Variants in FBN2 observed in about 807,000 individuals in gnomAD.
FBN2 encodes fibrillin-2.
In FBN2, 105 loss-of-function variants were observed where a neutral mutation model predicts 355.6. The observed-to-expected ratio is 0.30, with a 90% CI of 0.25 to 0.35. The LOEUF (loss-of-function observed/expected upper bound fraction) is 0.35, where lower values mean the gene tolerates loss of function less well. FBN2 is among the 10% of genes least tolerant of loss of function. The pLI is 1.00. For synonymous variants in FBN2, 1,350 were observed against 1,301.2 expected (o/e 1.04, Z -0.81); for missense variants, 3,280 against 3,758.7 (o/e 0.87, Z 3.33).
chr5:128,500,737 C>A (rs1755788442), intron 5 of FBN2, among the ~76,000 whole-genome samples: 1 of 152,110 alleles, frequency 6.6e-6, no homozygotes, highest in Admixed American at 6.5e-5. Flanking sequence ...AGCCATCGCG[C>A]CCGGCCGAAA....
Position 128,259,781 on chromosome 5 carries a change from T to A in FBN2, c.8413A>T (p.Met2805Leu), listed in dbSNP as rs776610785. ...CCGAGGTGGGAGAGGTTGAACTTCATGTTGACGGGGCTGTCCATGTCGACA... is the reference window on the plus strand; with the variant it reads ...CCGAGGTGGGAGAGGTTGAACTTCAAGTTGACGGGGCTGTCCATGTCGACA... ...ESVDMDSPVN[M>L]KFNLSHLGSK... Residue 2805 changes from methionine to leucine, a missense_variant, in exon 65 of 65, where the codon ATG becomes TTG. Coordinates refer to ENST00000262464, the MANE Select transcript of FBN2 (RefSeq NM_001999.4). The A allele has an allele frequency of 6.2e-7, 1 of 1,613,780 alleles. No individual in the cohort carries two copies. The highest frequency in any genetic ancestry group is 1.7e-5 in the Admixed American group (1 of 59,984).
At chr5:128,383,293 A>T (rs1752281241) in intron 11 of FBN2, among the ~76,000 whole-genome samples, 2 of 152,072 alleles carry the variant, frequency 1.3e-5, no homozygotes, top group Admixed American at 6.6e-5. Context: ...AATATACTAC[A>T]AAAAATAAAC....
intron 8 of FBN2, among the ~76,000 whole-genome samples, chr5:128,405,403 G>A (rs1752900095): frequency 6.6e-6 from 1 of 152,102 alleles, no homozygotes; most frequent in Admixed American, 6.6e-5. Context: ...GGTTAGGTAA[G>A]GCTTTGAATG....
At position 128,393,220 on chromosome 5, in the gene FBN2, G is replaced by A. The variant is rs747437305; in HGVS notation, c.1380C>T (p.Pro460=). The A allele has an allele frequency of 1.9e-6, 3 of 1,614,194 alleles. No individual in the cohort carries two copies. The highest frequency in any genetic ancestry group is 1.7e-6 in the Non-Finnish European group (2 of 1,180,018). ...GAGAAAAGCCATTGCCTCCAGGGAT[G>A]GGGATGAAGCCTGTCCCTCCTGGGC... ...GYGPGGTGFI[P]IPGGNGFSPG... Residue 460 remains proline, a synonymous_variant, in exon 10 of 65, where the codon CCC becomes CCT. Coordinates refer to ENST00000262464, the MANE Select transcript of FBN2 (RefSeq NM_001999.4).
chr5:128,516,168 A>G (rs1033924192), intron 5 of FBN2, among the ~76,000 whole-genome samples: 1 of 152,202 alleles, frequency 6.6e-6, no homozygotes, highest in African/African-American at 2.4e-5. Flanking sequence ...GTACATTTTA[A>G]GTGTTAGGGA....
chr5:128,457,413 G>C (rs1441010593), intron 6 of FBN2, among the ~76,000 whole-genome samples: 1 of 152,098 alleles, frequency 6.6e-6, no homozygotes, highest in Non-Finnish European at 1.5e-5. Flanking sequence ...CCCCAACCTA[G>C]CAAGACAGGC....
intron 7 of FBN2, among the ~76,000 whole-genome samples, chr5:128,423,495 C>T (rs952038399): frequency 9.2e-5 from 14 of 152,276 alleles, no homozygotes; most frequent in Non-Finnish European, 1.9e-4. Flanking sequence ...AGAAAACCCA[C>T]CACCATGATT....
chr5:128,467,271 T>C (rs553997931), intron 5 of FBN2, among the ~76,000 whole-genome samples: 11 of 152,258 alleles, frequency 7.2e-5, no homozygotes, highest in African/African-American at 2.6e-4. Flanking sequence ...AAGGCAACCT[T>C]CCACTTGGCA....
At position 128,271,888 on chromosome 5, in the gene FBN2, G is replaced by A. The variant is rs1000389366; in HGVS notation, c.7960+111C>T. ...ATCAGTCTTAAGGACTGGGTTTAAA[G>A]TCTAAAATTCAAAGGCTATACTGAA... On this transcript the variant is annotated intron_variant, in intron 62 of 64. Transcript: ENST00000262464. 5 of 1,282,968 alleles carry A rather than the reference G, an allele frequency of 3.9e-6. No individual in the cohort carries two copies. In the Admixed American group the frequency reaches 6.7e-5, roughly 17 times the overall value. The allele number at this position is 1,282,968 out of a possible 1,614,324, so 79.5% of individuals were successfully genotyped here. A position where few individuals can be genotyped will look rare whatever the true frequency, so the allele number is the denominator to read the frequency against.
chr5:128,370,058 GA>G (rs1751889645), intron 15 of FBN2, among the ~76,000 whole-genome samples: 1 of 152,128 alleles, frequency 6.6e-6, no homozygotes, highest in South Asian at 2.1e-4. Context: ...TCCAGTGCCT[GA>G]GTTGGGGTTC....
intron 34 of FBN2, among the ~76,000 whole-genome samples, chr5:128,319,524 TTTAG>T (rs1750310731): frequency 6.6e-6 from 1 of 151,866 alleles, no homozygotes; most frequent in African/African-American, 2.4e-5. Flanking sequence ...ATTAAATAAA[TTTAG>T]TTAATTAAAT....
chr5:128,326,937 T>C (rs552615433), intron 34 of FBN2, among the ~76,000 whole-genome samples: 1 of 152,276 alleles, frequency 6.6e-6, no homozygotes, highest in Non-Finnish European at 1.5e-5. Context: ...CATAAAGTAA[T>C]ACACAATTAG....
In FBN2 at chr5:128,332,970, T is replaced by C; in HGVS notation, c.4164A>G (p.Pro1388=). ...CDMHASCLNI[P]GSFKCSCREG... is the part of the protein sequence containing the mutation. ...CTCTGCAGCTACACTTGAAGCTTCC[T>C]GGGATATTCAGACATGAGGCATGCA... Residue 1388 remains proline (P), a synonymous_variant, in exon 32 of 65, where the codon CCA becomes CCG. Coordinates refer to ENST00000262464, the MANE Select transcript of FBN2 (RefSeq NM_001999.4). 5 of 1,613,632 alleles carry C rather than the reference T, an allele frequency of 3.1e-6. No individual in the cohort carries two copies. The highest frequency in any genetic ancestry group is 4.2e-6 in the Non-Finnish European group (5 of 1,179,532).
intron 7 of FBN2, among the ~76,000 whole-genome samples, chr5:128,412,911 C>T (rs1164413320): frequency 6.6e-6 from 1 of 152,106 alleles, no homozygotes; most frequent in Non-Finnish European, 1.5e-5. Context: ...AGGAAGGGAA[C>T]ATATATTCAG....
chr5:128,333,895 C>A (rs1260711956), intron 31 of FBN2, among the ~76,000 whole-genome samples: 3 of 148,278 alleles, frequency 2.0e-5, no homozygotes. Context: ...TCACATCAAC[C>A]CTGTCAGTGG....
intron 11 of FBN2, among the ~76,000 whole-genome samples, chr5:128,382,351 G>A (rs1475690161): frequency 6.6e-6 from 1 of 152,062 alleles, no homozygotes; most frequent in Non-Finnish European, 1.5e-5. Flanking sequence ...CTATGAGCTA[G>A]AACGAGGTGC....
At chr5:128,330,084 T>C (rs925278231) in intron 33 of FBN2, among the ~76,000 whole-genome samples, 1 of 152,218 alleles carries the variant, frequency 6.6e-6, no homozygotes, top group Non-Finnish European at 1.5e-5. Flanking sequence ...AGTGATTGGA[T>C]AGGTCATATA....
rs187254274 is a variant in FBN2 at position 128,512,581 on chromosome 5, T to C, written c.628+6692A>G. 1.5e-3 allele frequency among the ~76,000 whole-genome samples: 230 copies of C among 152,014 alleles called. 1 individual carries two copies. The highest frequency in any genetic ancestry group is 5.8e-3 in the South Asian group (28 of 4,810). ...TTTTTAAATTATAGCTGATCATTTA[T>C]TGAGCAGTTAACTCTGTGCTAGACA... On this transcript the variant is annotated intron_variant, in intron 5 of 64. Coordinates refer to ENST00000262464, the MANE Select transcript of FBN2 (RefSeq NM_001999.4).
intron 2 of FBN2, 93 bp from the exon 3 acceptor site, chr5:128,530,786 G>T: frequency 1.2e-6 from 1 of 801,980 alleles, no homozygotes; most frequent in Non-Finnish European, 2.1e-6. Flanking sequence ...TAAAAAGCCT[G>T]AAAAACTAAG....
Sources: gnomAD v4.1 joint callset for allele counts (sites outside exome capture counted in the v4.1 genomes callset) on GRCh38, gnomAD v4.1.1 for gene constraint, MANE v1.5 for transcripts, NCBI Gene and HGNC (gene_info 2026-07-23, HGNC 2026-07-21) for gene names.